The following CHCHD3 variants were observed in gnomAD, a reference collection of about 807,000 sequenced individuals.
CHCHD3 encodes the protein coiled-coil-helix-coiled-coil-helix domain containing 3.
CHCHD3 carries 20 observed loss-of-function variants against 38.2 expected under a neutral mutation model. The observed-to-expected ratio is 0.52, with a 90% confidence interval of 0.37 to 0.76. CHCHD3 has a LOEUF of 0.76. Ranked by LOEUF, CHCHD3 falls within the 30% of genes least tolerant of loss-of-function variation. The pLI is 0.00. For missense variants in CHCHD3, 245 were observed against 279.2 expected (o/e 0.88, Z 0.87); for synonymous variants, 82 against 100.0 (o/e 0.82, Z 1.07).
chr7:132,997,659 TAAAAAAAAAAAAAA>T (rs71178073), intron 3 of CHCHD3, among the ~76,000 whole-genome samples: 7 of 81,742 alleles, frequency 8.6e-5, no homozygotes, highest in Non-Finnish European at 1.2e-4. Context: ...AACAGGGTTG[TAAAAAAAAAAAAAA>T]AAAAAAAAAA....
intron 3 of CHCHD3, among the ~76,000 whole-genome samples, chr7:133,013,535 A>C (rs777268039): frequency 3.3e-5 from 5 of 152,228 alleles, no homozygotes; most frequent in Admixed American, 6.5e-5. Context: ...TATTACTATT[A>C]CAAATGATTA....
intron 2 of CHCHD3, chr7:133,034,723 G>A (rs1813607520): frequency 6.2e-7 from 1 of 1,613,410 alleles, no homozygotes; most frequent in South Asian, 1.1e-5. Context: ...TCCAGTTTCC[G>A]CCATGTGTAT....
chr7:132,807,400 TTA>T (rs1806951164), intron 6 of CHCHD3, among the ~76,000 whole-genome samples: 1 of 152,010 alleles, frequency 6.6e-6, no homozygotes, highest in Non-Finnish European at 1.5e-5. Context: ...CACCTCACAC[TTA>T]TACTGAGTGT....
intron 4 of CHCHD3, among the ~76,000 whole-genome samples, chr7:132,946,821 GATA>G (rs1279410002): frequency 4.6e-5 from 7 of 151,786 alleles, no homozygotes; most frequent in Non-Finnish European, 8.8e-5. Flanking sequence ...AATGTATTTA[GATA>G]ATGTTTTTAA....
intron 3 of CHCHD3, among the ~76,000 whole-genome samples, chr7:132,984,824 C>T (rs1245128145): frequency 2.4e-5 from 3 of 126,132 alleles, no homozygotes; most frequent in East Asian, 5.1e-4. Context: ...CGTCTCCGCC[C>T]GGCAGCCACC....
At chr7:132,881,288 T>C (rs893521652) in intron 5 of CHCHD3, among the ~76,000 whole-genome samples, 6 of 152,106 alleles carry the variant, frequency 3.9e-5, no homozygotes, top group Non-Finnish European at 8.8e-5. Flanking sequence ...CATTCACACA[T>C]GGGAATTATC....
chr7:132,988,284 TAC>T (rs753504672), intron 3 of CHCHD3, among the ~76,000 whole-genome samples: 1 of 142,208 alleles, frequency 7.0e-6, no homozygotes, highest in African/African-American at 2.5e-5. Context: ...TTACAGAAAA[TAC>T]ACACACACAC....
At chr7:133,038,035 C>G (rs928905557) in intron 2 of CHCHD3, among the ~76,000 whole-genome samples, 22 of 152,154 alleles carry the variant, frequency 1.4e-4, no homozygotes, top group African/African-American at 5.1e-4. Context: ...TCAATTCAAT[C>G]ATGAACATTA....
chr7:132,941,949 C>T (rs1239806740), intron 4 of CHCHD3, among the ~76,000 whole-genome samples: 1 of 152,186 alleles, frequency 6.6e-6, no homozygotes. Context: ...CAAAACAGTT[C>T]TCTGAAGTAA....
intron 6 of CHCHD3, among the ~76,000 whole-genome samples, chr7:132,812,602 C>A (rs2117054076): frequency 6.6e-6 from 1 of 152,226 alleles, no homozygotes; most frequent in Non-Finnish European, 1.5e-5. Flanking sequence ...CCCATGTAGT[C>A]CCTCTGTTTC....
chr7:132,962,431 G>A (rs1811344454), intron 4 of CHCHD3, among the ~76,000 whole-genome samples: 1 of 152,126 alleles, frequency 6.6e-6, no homozygotes, highest in Non-Finnish European at 1.5e-5. Context: ...TAAAAAGACG[G>A]AAACAAAGGG....
At chr7:132,962,759 T>C (rs1201641993) in intron 4 of CHCHD3, among the ~76,000 whole-genome samples, 1 of 152,198 alleles carries the variant, frequency 6.6e-6, no homozygotes, top group African/African-American at 2.4e-5. Flanking sequence ...TCACCTCTTT[T>C]TTGCCCATTC....
chr7:132,823,120 A>G (rs1027543749), intron 6 of CHCHD3, among the ~76,000 whole-genome samples: 1 of 152,240 alleles, frequency 6.6e-6, no homozygotes, highest in African/African-American at 2.4e-5. Context: ...TCAAACTGCA[A>G]CTTCACATGC....
intron 2 of CHCHD3, among the ~76,000 whole-genome samples, chr7:133,025,707 T>G (rs1225158730): frequency 1.3e-5 from 2 of 152,226 alleles, no homozygotes; most frequent in Admixed American, 6.5e-5. Context: ...CGTTTCATCA[T>G]GTTAGCCAGG....
chr7:132,973,208 G>A, intron 4 of CHCHD3: 1 of 985,378 alleles, frequency 1.0e-6, no homozygotes, highest in Non-Finnish European at 1.2e-6. Context: ...ATTCAAAAGA[G>A]TAAAAGCTGG....
intron 4 of CHCHD3, among the ~76,000 whole-genome samples, chr7:132,969,082 A>G (rs1374584482): frequency 3.9e-5 from 6 of 151,970 alleles, no homozygotes; most frequent in African/African-American, 1.2e-4. Flanking sequence ...ATGAAAAGTG[A>G]CATTTTGGAG....
intron 4 of CHCHD3, among the ~76,000 whole-genome samples, chr7:132,908,574 T>G (rs1809855911): frequency 6.6e-6 from 1 of 152,078 alleles, no homozygotes; most frequent in Non-Finnish European, 1.5e-5. Context: ...AACTCTAGAC[T>G]CTCCTCTGAT....
At position 132,999,635 on chromosome 7, in the gene CHCHD3, C is replaced by T. The variant is rs529065311; in HGVS notation, c.252-24349G>A. On this transcript the variant is annotated intron_variant, in intron 3 of 7. Transcript: ENST00000262570. Reference sequence around the variant, plus strand: ...CATATTTTGATAGTTCATAAAGTATCTTAATTTAGAAAAGGAAATTGTCAG... The same window carrying T: ...CATATTTTGATAGTTCATAAAGTATTTTAATTTAGAAAAGGAAATTGTCAG... Among the ~76,000 whole-genome samples the T allele has an allele frequency of 1.1e-4, 16 of 152,014 alleles. No homozygotes were observed. The South Asian group carries it at 3.3e-3, about 32-fold the overall frequency.
intron 1 of CHCHD3, among the ~76,000 whole-genome samples, 180 bp from the exon 2 acceptor site, chr7:133,070,409 C>T (rs1048279044): frequency 6.6e-6 from 1 of 152,176 alleles, no homozygotes; most frequent in Admixed American, 6.5e-5. Context: ...TTTCGAGATG[C>T]ACCCCACAGC....
Sources: allele counts gnomAD v4.1 joint callset (sites outside exome capture counted in the v4.1 genomes callset), GRCh38; gene constraint gnomAD v4.1.1; transcripts MANE v1.5; gene names NCBI Gene and HGNC (gene_info 2026-07-23, HGNC 2026-07-21).